The following SLC6A3 variants were observed in gnomAD, a reference collection of about 807,000 sequenced individuals.
SLC6A3 encodes sodium-dependent dopamine transporter.
In SLC6A3, 19 loss-of-function variants were observed where a neutral mutation model predicts 70.4. The observed-to-expected ratio is 0.27, with a 90% confidence interval of 0.19 to 0.40. The LOEUF (loss-of-function observed/expected upper bound fraction) is 0.40. Ranked by LOEUF, SLC6A3 falls within the 10% of genes least tolerant of loss-of-function variation. The probability of loss-of-function intolerance (pLI) is 1.00; values close to 1 mark genes in which losing one functional copy is unlikely to be tolerated. For synonymous variants in SLC6A3, 368 were observed against 356.6 expected, an observed-to-expected ratio of 1.03 and a Z score of -0.36; for missense variants, 613 against 838.5, an observed-to-expected ratio of 0.73 and a Z score of 3.32.
intron 2 of SLC6A3, 134 bp from the exon 3 acceptor site, chr5:1,441,624 TC>T: frequency 9.5e-7 from 1 of 1,049,138 alleles, no homozygotes; most frequent in Non-Finnish European, 1.4e-6. Context: ...CAACGGGAAG[TC>T]CCAGGCTAGG....
chr5:1,432,194 C>A (rs1396342372), intron 4 of SLC6A3, among the ~76,000 whole-genome samples: 2 of 152,182 alleles, frequency 1.3e-5, no homozygotes, highest in African/African-American at 4.8e-5. Context: ...CCCTCCCACC[C>A]TGAGCTGCCG....
chr5:1,406,066 T>G lies in SLC6A3; in HGVS notation c.1599+122A>C, dbSNP rs995139713. On this transcript the variant is annotated intron_variant, in intron 12 of 14. Transcript: ENST00000270349. The surrounding 1 kb of genome is among the most constrained non-coding windows in gnomAD (Gnocchi z 8.8). ...GATCAGCCTGTCCTTCTGGGCCGAG[T>G]CTTGAGGCCCCTGACTCCAGCCACA... The G allele has an allele frequency of 1.3e-6, 1 of 758,072 alleles. No homozygotes were observed. Among genetic ancestry groups the G allele is most frequent in the East Asian group, 2.6e-5 (1 of 39,060 alleles). 47.0% of individuals were successfully genotyped at this position (758,072 alleles called of 1,614,324 possible). A position where few individuals can be genotyped will look rare whatever the true frequency, so the allele number is the denominator to read the frequency against.
rs1755881049 is a variant in SLC6A3 at position 1,402,816 on chromosome 5, C to G, written c.1767+106G>C. 2 of 1,189,518 alleles carry G rather than the reference C, an allele frequency of 1.7e-6. No individual in the cohort carries two copies. The highest frequency in any genetic ancestry group is 2.4e-6 in the Non-Finnish European group (2 of 817,348). The allele number at this position is 1,189,518 out of a possible 1,614,324, so 73.7% of individuals were successfully genotyped here. On this transcript the variant is annotated intron_variant, in intron 13 of 14. Transcript: ENST00000270349. This position sits in a 1 kb window ranked among gnomAD's most constrained non-coding sequence, Gnocchi z 8.5. ...TGGTGGCCACCTCCAGTCTCCTCCTCTTGGTCACAGATGACCCAGGCAGGT... is the reference window on the plus strand; with the variant it reads ...TGGTGGCCACCTCCAGTCTCCTCCTGTTGGTCACAGATGACCCAGGCAGGT...
rs368124584 is a variant in SLC6A3, at chr5:1,422,613, G to C, written c.654-599C>G. ...CCACCGCTGCCCAGTGCTGCCCATG[G>C]TGCTGGGTGCCCACCGCTGCCCAGT... On this transcript the variant is annotated intron_variant, in intron 4 of 14. Transcript: ENST00000270349. Among the ~76,000 whole-genome samples, 375 of 51,012 alleles carry C rather than the reference G, an allele frequency of 7.4e-3. 31 individuals carry two copies. The highest frequency in any genetic ancestry group is 0.014 in the African/African-American group (131 of 9,448). 33.5% of individuals were successfully genotyped at this position (51,012 alleles called of 152,430 possible).
At chr5:1,440,953 G>T (rs543127986) in intron 3 of SLC6A3, among the ~76,000 whole-genome samples, 3 of 152,168 alleles carry the variant, frequency 2.0e-5, no homozygotes, top group Admixed American at 6.5e-5. Flanking sequence ...GGATGGATTA[G>T]GTAGATAGGT....
intron 9 of SLC6A3, 88 bp from the exon 10 acceptor site, chr5:1,409,937 C>T: frequency 1.3e-6 from 2 of 1,546,034 alleles, no homozygotes; most frequent in Non-Finnish European, 1.8e-6. Context: ...CCAGTGGACG[C>T]ACACCCGGGG....
In SLC6A3 at chr5:1,437,789, T is replaced by C. The variant is rs1756873608; in HGVS notation, c.418+3570A>G. Among the ~76,000 whole-genome samples, 1 of 152,256 alleles carries C rather than the reference T, an allele frequency of 6.6e-6. No individual in the cohort carries two copies. The highest frequency in any genetic ancestry group is 6.5e-5 in the Admixed American group (1 of 15,292). The stretch of plus-strand genomic sequence containing the variant: ...CTGGAGAGCTGGCTTCATTCCCCCA[T>C]GGAATTGCCACCTGCTCAGGGCTGG... On this transcript the variant is annotated intron_variant, in intron 3 of 14. Transcript: ENST00000270349. The surrounding 1 kb of genome is among the most constrained non-coding windows in gnomAD (Gnocchi z 4.8).
At chr5:1,415,798 G>C (rs867918846) in intron 7 of SLC6A3, among the ~76,000 whole-genome samples, 2 of 152,180 alleles carry the variant, frequency 1.3e-5, no homozygotes. Flanking sequence ...TCCTTGTGGA[G>C]GGAGGGGCTG....
At chr5:1,398,464 A>G (rs1342766136) in intron 14 of SLC6A3, among the ~76,000 whole-genome samples, 1 of 152,194 alleles carries the variant, frequency 6.6e-6, no homozygotes, top group Non-Finnish European at 1.5e-5. Context: ...ATCTATAAAA[A>G]GGCAATAAAG....
At chr5:1,422,638 T>A (rs2735916) in intron 4 of SLC6A3, among the ~76,000 whole-genome samples, 8 of 37,912 alleles carry the variant, frequency 2.1e-4, no homozygotes, top group African/African-American at 3.0e-4. Context: ...CGCTGCCCAG[T>A]GCTGCCCATG....
intron 4 of SLC6A3, among the ~76,000 whole-genome samples, chr5:1,428,805 GC>G (rs1756631362): frequency 6.6e-6 from 1 of 152,192 alleles, no homozygotes; most frequent in South Asian, 2.1e-4. Flanking sequence ...CTGACTTAGG[GC>G]CCAGAAGACA....
rs59958385 is a variant in SLC6A3, at chr5:1,408,610, C to T, written c.1498+416G>A. Among the ~76,000 whole-genome samples, 8,566 of 152,220 alleles carry T rather than the reference C, an allele frequency of 0.056. 775 individuals are homozygous for T. The highest frequency in any genetic ancestry group is 0.19 in the African/African-American group (8,083 of 41,482). ...AGCTGCACCCCGTTCGAGCGCCGCC[C>T]GCTGATCATCAGGTCCCGACTGCTC... is the stretch of plus-strand genomic sequence containing the variant. On this transcript the variant is annotated intron_variant, in intron 11 of 14. Coordinates refer to ENST00000270349, the MANE Select transcript of SLC6A3 (RefSeq NM_001044.5). The surrounding 1 kb of genome is among the most constrained non-coding windows in gnomAD (Gnocchi z 6.4).
Position 1,421,621 on chromosome 5 carries a change from C to T in SLC6A3, c.792+255G>A, listed in dbSNP as rs1034187696. Among the ~76,000 whole-genome samples the T allele has an allele frequency of 1.2e-4, 18 of 151,078 alleles. No individual in the cohort carries two copies. The highest frequency in any genetic ancestry group is 3.2e-4 in the African/African-American group (13 of 40,972). ...GTCCCCCCACCCACCCATGGCCGCG[C>T]GTCTACCCAAGCCAACCCGGCACAG... On this transcript the variant is annotated intron_variant, in intron 5 of 14. Coordinates refer to ENST00000270349, the MANE Select transcript of SLC6A3 (RefSeq NM_001044.5). The surrounding 1 kb of genome is among the most constrained non-coding windows in gnomAD (Gnocchi z 7.2).
chr5:1,422,132 T>A, intron 4 of SLC6A3, 118 bp from the exon 5 acceptor site: 1 of 1,131,478 alleles, frequency 8.8e-7, no homozygotes, highest in Non-Finnish European at 1.3e-6. Context: ...AAGCATCCAG[T>A]CTGATGGACA....
intron 4 of SLC6A3, among the ~76,000 whole-genome samples, chr5:1,431,109 G>A (rs374316442): frequency 2.0e-5 from 3 of 152,332 alleles, no homozygotes; most frequent in South Asian, 2.1e-4. Flanking sequence ...CGAAGAGTCC[G>A]CCTGTCAGAA....
chr5:1,432,760 C>T lies in SLC6A3; in HGVS notation c.419-62G>A, dbSNP rs563112547. On this transcript the variant is annotated intron_variant, in intron 3 of 14. Coordinates refer to ENST00000270349, the MANE Select transcript of SLC6A3 (RefSeq NM_001044.5). Reference sequence around the variant, plus strand: ...TGGAGCACAGAGCCACCATCAGCAACGTGTCCCTTCCACCTCCCCTCACGG... The same window carrying T: ...TGGAGCACAGAGCCACCATCAGCAATGTGTCCCTTCCACCTCCCCTCACGG... The T allele has an allele frequency of 3.2e-4, 382 of 1,182,774 alleles. 2 individuals carry two copies. The highest frequency in any genetic ancestry group is 9.0e-4 in the East Asian group (37 of 41,022). 73.3% of individuals were successfully genotyped at this position (1,182,774 alleles called of 1,614,324 possible). A position where few individuals can be genotyped will look rare whatever the true frequency, so the allele number is the denominator to read the frequency against.
At position 1,408,203 on chromosome 5, in the gene SLC6A3, A is replaced by ATTT. The variant is rs760385170; in HGVS notation, c.1498+820_1498+822dup. Among the ~76,000 whole-genome samples, 3,449 of 131,500 alleles carry ATTT rather than the reference A, an allele frequency of 0.026. 176 individuals carry two copies. Among genetic ancestry groups the ATTT allele is most frequent in the African/African-American group, 0.094 (3,224 of 34,262 alleles). 86.3% of individuals were successfully genotyped at this position (131,500 alleles called of 152,430 possible). On this transcript the variant is annotated intron_variant, in intron 11 of 14. Transcript: ENST00000270349. This position sits in a 1 kb window ranked among gnomAD's most constrained non-coding sequence, Gnocchi z 6.4. ...AGCCTTGTGCCACCACACCCGGCTA[A>ATTT]TTTTTTTTTTTTTTTTTTTTAGTAA...
At chr5:1,429,177 G>A (rs1756639535) in intron 4 of SLC6A3, among the ~76,000 whole-genome samples, 1 of 152,204 alleles carries the variant, frequency 6.6e-6, no homozygotes, top group African/African-American at 2.4e-5. Context: ...TGGCAGACCT[G>A]AGTACGTTAT....
intron 7 of SLC6A3, among the ~76,000 whole-genome samples, chr5:1,415,826 C>T (rs1359287790): frequency 6.6e-6 from 1 of 152,126 alleles, no homozygotes; most frequent in Non-Finnish European, 1.5e-5. Flanking sequence ...CACTTGGGGC[C>T]CTCAGTGGGG....
Sources: gnomAD v4.1 joint callset for allele counts (sites outside exome capture counted in the v4.1 genomes callset) on GRCh38, gnomAD v4.1.1 for gene constraint, Gnocchi (gnomAD v3.1) non-coding constraint, MANE v1.5 for transcripts, NCBI Gene and HGNC (gene_info 2026-07-23, HGNC 2026-07-21) for gene names.